The following PRICKLE2 variants were observed in gnomAD, a reference collection of about 807,000 sequenced individuals.
PRICKLE2 encodes prickle-like protein 2.
PRICKLE2 carries 21 observed loss-of-function variants against 81.4 expected under a neutral mutation model. That is an observed-to-expected ratio of 0.26 (90% CI 0.18 to 0.37). The LOEUF (loss-of-function observed/expected upper bound fraction) is 0.37, where lower values mean the gene tolerates loss of function less well. Among genes scored for constraint, PRICKLE2 ranks in the 10% least tolerant of loss-of-function variants. The probability of loss-of-function intolerance (pLI) is 1.00; values close to 1 mark genes in which losing one functional copy is unlikely to be tolerated. For synonymous variants in PRICKLE2, 456 were observed against 421.5 expected (o/e 1.08, Z -1.00); for missense variants, 940 against 1,109.0 (o/e 0.85, Z 2.16).
At chr3:64,101,754 A>G (rs1357181397) in intron 7 of PRICKLE2, 1 of 152,242 alleles carries the variant, frequency 6.6e-6, no homozygotes, top group Non-Finnish European at 1.5e-5. Context: ...GTCATTTTAT[A>G]ACCATTGGAG....
chr3:64,111,230 G>A (rs2076841643), intron 7 of PRICKLE2, among the ~76,000 whole-genome samples: 1 of 152,100 alleles, frequency 6.6e-6, no homozygotes, highest in Admixed American at 6.5e-5. Flanking sequence ...GCTGGTGCGG[G>A]GACACCAATG....
At chr3:64,139,244 T>G (rs907831341) in intron 7 of PRICKLE2, among the ~76,000 whole-genome samples, 2 of 152,232 alleles carry the variant, frequency 1.3e-5, no homozygotes, top group African/African-American at 4.8e-5. Flanking sequence ...GGAAGCCCTT[T>G]CAGATTCCTG....
chr3:64,128,972 G>A (rs2077158258), intron 7 of PRICKLE2, among the ~76,000 whole-genome samples: 1 of 151,860 alleles, frequency 6.6e-6, no homozygotes, highest in Non-Finnish European at 1.5e-5. Flanking sequence ...ATTCCTTGAT[G>A]TGGAGGCTGT....
At chr3:64,135,462 G>A (rs1425642776) in intron 7 of PRICKLE2, among the ~76,000 whole-genome samples, 1 of 152,124 alleles carries the variant, frequency 6.6e-6, no homozygotes, top group African/African-American at 2.4e-5. Context: ...GGGGAATTCT[G>A]GATGACATTT....
intron 2 of PRICKLE2, among the ~76,000 whole-genome samples, chr3:64,256,144 T>C (rs1435221184): frequency 1.3e-5 from 2 of 152,334 alleles, no homozygotes; most frequent in South Asian, 4.1e-4. Flanking sequence ...GATCATTACT[T>C]ACATATAAGG....
intron 2 of PRICKLE2, among the ~76,000 whole-genome samples, chr3:64,239,443 G>A (rs2079229761): frequency 6.6e-6 from 1 of 152,204 alleles, no homozygotes; most frequent in Non-Finnish European, 1.5e-5. Context: ...GGAGATAGCT[G>A]CCCAGGGAAC....
upstream of PRICKLE2, among the ~76,000 whole-genome samples, chr3:64,226,950 G>C (rs962099274): frequency 6.6e-6 from 1 of 152,192 alleles, no homozygotes; most frequent in Admixed American, 6.5e-5. Context: ...CAGCTAGCAC[G>C]GCTCCTTGCC....
chr3:64,265,107 A>G (rs1268859261), intron 2 of PRICKLE2, among the ~76,000 whole-genome samples: 1 of 152,180 alleles, frequency 6.6e-6, no homozygotes, highest in Non-Finnish European at 1.5e-5. Context: ...TGCTGGTCAC[A>G]CAGAGGAGCA....
At chr3:64,217,570 G>C (rs696025) in intron 1 of PRICKLE2, among the ~76,000 whole-genome samples, 1 of 152,184 alleles carries the variant, frequency 6.6e-6, no homozygotes, top group Non-Finnish European at 1.5e-5. Flanking sequence ...GCTATTGGTA[G>C]GTGTTCAATA....
At chr3:64,172,543 G>C (rs2077951465) in intron 2 of PRICKLE2, among the ~76,000 whole-genome samples, 1 of 152,132 alleles carries the variant, frequency 6.6e-6, no homozygotes, top group Non-Finnish European at 1.5e-5. Flanking sequence ...CTGTAAATTG[G>C]GGACAATAAT....
At position 64,225,119 on chromosome 3, in the gene PRICKLE2, T is replaced by C; in HGVS notation, c.-250A>G. 3.0e-6 allele frequency: 3 copies of C among 985,380 alleles called. No homozygotes were observed. Among genetic ancestry groups the C allele is most frequent in the Non-Finnish European group, 3.6e-6 (3 of 829,980 alleles). The allele number at this position is 985,380 out of a possible 1,614,324, so 61.0% of individuals were successfully genotyped here. On this transcript the variant is annotated 5_prime_UTR_variant, in exon 1 of 8. The change abolishes an upstream ATG in the 5' untranslated region. Coordinates refer to ENST00000638394, the MANE Select transcript of PRICKLE2 (RefSeq NM_198859.4). ...CAGACTCAAGCCGAGCTGCTCCACA[T>C]TCCCTCAGGGAAAACAGCACTGCTG...
chr3:64,135,105 C>A (rs1195031308), intron 7 of PRICKLE2, among the ~76,000 whole-genome samples: 5 of 152,116 alleles, frequency 3.3e-5, no homozygotes, highest in Non-Finnish European at 7.3e-5. Context: ...ATAACACCCT[C>A]GGTGGGGGCA....
intron 1 of PRICKLE2, among the ~76,000 whole-genome samples, chr3:64,203,813 C>CA (rs68190740): frequency 0.19 from 26,796 of 140,030 alleles, 2,836 homozygotes; most frequent in East Asian, 0.47. Context: ...ACTAAAAATA[C>CA]AAAAAAAAAA....
chr3:64,250,825 C>T (rs2079436843), intron 2 of PRICKLE2, among the ~76,000 whole-genome samples: 1 of 152,160 alleles, frequency 6.6e-6, no homozygotes, highest in South Asian at 2.1e-4. Context: ...CTGGCATTTC[C>T]TGCATTGTGC....
intron 1 of PRICKLE2, among the ~76,000 whole-genome samples, chr3:64,204,781 C>T (rs999361430): frequency 1.3e-5 from 2 of 152,136 alleles, no homozygotes; most frequent in African/African-American, 4.8e-5. Context: ...GAATTTTCAA[C>T]CTTTGAGTGA....
At chr3:64,184,202 T>G (rs891488010) in intron 2 of PRICKLE2, among the ~76,000 whole-genome samples, 1 of 152,212 alleles carries the variant, frequency 6.6e-6, no homozygotes, top group Non-Finnish European at 1.5e-5. Flanking sequence ...AAGATATACA[T>G]TTCTTGAAAT....
intron 2 of PRICKLE2, among the ~76,000 whole-genome samples, chr3:64,248,095 C>T (rs1489773373): frequency 6.6e-6 from 1 of 152,152 alleles, no homozygotes; most frequent in African/African-American, 2.4e-5. Context: ...AAGTTGAACA[C>T]ATTTCAGTTT....
At chr3:64,114,198 GAA>G (rs61130256) in intron 7 of PRICKLE2, among the ~76,000 whole-genome samples, 9 of 133,620 alleles carry the variant, frequency 6.7e-5, no homozygotes, top group East Asian at 2.1e-4. Flanking sequence ...ATAGGATTAA[GAA>G]AAAAAAAAAA....
At position 64,096,117 on chromosome 3, in the gene PRICKLE2, G is replaced by A. The variant is rs2076568634; in HGVS notation, c.*2934C>T. On this transcript the variant is annotated 3_prime_UTR_variant, in exon 8 of 8. Transcript: ENST00000638394. ...AATAGGAAATGAACTCAACTCCGAAGTTGCAGTTCTAACCAAAAGACAAGA... is the reference window on the plus strand; with the variant it reads ...AATAGGAAATGAACTCAACTCCGAAATTGCAGTTCTAACCAAAAGACAAGA... The A allele has an allele frequency of 6.6e-6, 1 of 152,222 alleles. No homozygotes were observed. Among genetic ancestry groups the A allele is most frequent in the Admixed American group, 6.5e-5 (1 of 15,282 alleles). 9.4% of individuals were successfully genotyped at this position (152,222 alleles called of 1,614,324 possible). A position where few individuals can be genotyped will look rare whatever the true frequency, so the allele number is the denominator to read the frequency against.
Sources: allele counts gnomAD v4.1 joint callset (sites outside exome capture counted in the v4.1 genomes callset), GRCh38; gene constraint gnomAD v4.1.1; transcripts MANE v1.5; gene names NCBI Gene and HGNC (gene_info 2026-07-23, HGNC 2026-07-21).